TGM3: variants seen among roughly 807,000 people sequenced by gnomAD.
TGM3 encodes the protein transglutaminase 3, also known as protein-glutamine gamma-glutamyltransferase E.
A neutral mutation model predicts 73.8 loss-of-function variants in TGM3; 52 were observed. The observed-to-expected ratio is 0.70, with a 90% CI of 0.56 to 0.89. The LOEUF (loss-of-function observed/expected upper bound fraction) is 0.89. TGM3 is among the 40% of genes least tolerant of loss of function. TGM3 has a pLI of 0.00. For synonymous variants in TGM3, 372 were observed against 354.9 expected (o/e 1.05, Z -0.54); for missense variants, 928 against 909.9 (o/e 1.02, Z -0.26).
At chr20:2,317,311 C>G in intron 6 of TGM3, 39 bp from the exon 7 acceptor site, 1 of 1,614,072 alleles carries the variant, frequency 6.2e-7, no homozygotes, top group Non-Finnish European at 8.5e-7. Context: ...AAGGTACCAT[C>G]TCCACCACCT....
intron 4 of TGM3, among the ~76,000 whole-genome samples, chr20:2,312,393 T>A (rs1415010928): frequency 8.6e-5 from 5 of 58,008 alleles, no homozygotes; most frequent in Non-Finnish European, 1.5e-4. Flanking sequence ...CAAGACTCCG[T>A]CTCAAAAAAA....
chr20:2,329,724 C>T lies in TGM3; in HGVS notation c.1333+1359C>T, dbSNP rs115652278. On this transcript the variant is annotated intron_variant, in intron 9 of 12. Transcript: ENST00000381458. ...TTGTGTGACCTCGAGCAAGTTTCCT[C>T]TGATCTCTGAGCCCTCGCTTCCTCA... 4.7e-3 allele frequency among the ~76,000 whole-genome samples: 711 copies of T among 152,312 alleles called. 5 individuals are homozygous for T. The highest frequency in any genetic ancestry group is 0.016 in the African/African-American group (679 of 41,562).
At chr20:2,327,745 C>T (rs1015114403) in intron 8 of TGM3, among the ~76,000 whole-genome samples, 1 of 152,096 alleles carries the variant, frequency 6.6e-6, no homozygotes, top group Non-Finnish European at 1.5e-5. Flanking sequence ...GGGAAGTCTT[C>T]CTGGACTAGG....
At position 2,301,060 on chromosome 20, in the gene TGM3, T is replaced by C. The variant is rs539222625; in HGVS notation, c.7+4990T>C. Among the ~76,000 whole-genome samples, 420 of 152,184 alleles carry C rather than the reference T, an allele frequency of 2.8e-3. 1 individual carries two copies. The highest frequency in any genetic ancestry group is 4.7e-3 in the Non-Finnish European group (320 of 68,006). ...CAGGCACCAATCTGGGGCTCATTTC[T>C]CTTCATCCTCACCAGCCCCTTACTC... On this transcript the variant is annotated intron_variant, in intron 1 of 12. Coordinates refer to ENST00000381458, the MANE Select transcript of TGM3 (RefSeq NM_003245.4).
intron 11 of TGM3, among the ~76,000 whole-genome samples, chr20:2,336,827 C>G (rs1190032636): frequency 1.3e-5 from 2 of 151,876 alleles, no homozygotes; most frequent in Admixed American, 1.3e-4. Context: ...TGAGCAGGTC[C>G]CTTAATCTGA....
Position 2,312,963 on chromosome 20 carries a change from C to A in TGM3, c.606C>A (p.Asp202Glu). The A allele has an allele frequency of 6.2e-7, 1 of 1,614,186 alleles. No homozygotes were observed. The stretch of plus-strand genomic sequence containing the variant: ...ATAGGAGTCTGAATTTCCGCCGTGA[C>A]GCTGCTACTGATGTGGCCAGCAGAA... Reference protein sequence around the residue: ...ILDRSLNFRRDAATDVASRND... With the variant: ...ILDRSLNFRREAATDVASRND... Residue 202 changes from aspartate to glutamate, a missense_variant, in exon 5 of 13, where the codon GAC becomes GAA. Transcript: ENST00000381458.
chr20:2,296,501 G>A (rs2084108477), intron 1 of TGM3, among the ~76,000 whole-genome samples: 1 of 152,106 alleles, frequency 6.6e-6, no homozygotes, highest in African/African-American at 2.4e-5. Flanking sequence ...AGAACTACCA[G>A]GGAGTGAGAG....
intron 10 of TGM3, among the ~76,000 whole-genome samples, chr20:2,333,514 G>A (rs528007442): frequency 6.6e-6 from 1 of 152,190 alleles, no homozygotes; most frequent in East Asian, 1.9e-4. Flanking sequence ...CCAAGTAGCT[G>A]TAGTCCCAAG....
intron 11 of TGM3, among the ~76,000 whole-genome samples, chr20:2,339,031 T>C (rs1452782124): frequency 1.3e-5 from 2 of 152,266 alleles, no homozygotes; most frequent in Non-Finnish European, 2.9e-5. Context: ...TTCTGATCAC[T>C]GAGCAAGGAC....
chr20:2,317,939 A>G (rs373132198), intron 7 of TGM3, among the ~76,000 whole-genome samples: 1 of 129,388 alleles, frequency 7.7e-6, no homozygotes. Context: ...ATATATATAT[A>G]TATCATATAT....
At chr20:2,313,554 A>G (rs375710560) in intron 5 of TGM3, among the ~76,000 whole-genome samples, 83 of 152,322 alleles carry the variant, frequency 5.4e-4, no homozygotes, top group African/African-American at 1.9e-3. Flanking sequence ...TGCTCAAGGC[A>G]CACGGCATGC....
intron 9 of TGM3, among the ~76,000 whole-genome samples, chr20:2,329,638 TA>T (rs1182289765): frequency 6.6e-6 from 1 of 152,012 alleles, no homozygotes; most frequent in African/African-American, 2.4e-5. Context: ...GAAACAAGCA[TA>T]GGGGGTCAGG....
At position 2,320,759 on chromosome 20, in the gene TGM3, A is replaced by G. The variant is rs539621283; in HGVS notation, c.983+3274A>G. Among the ~76,000 whole-genome samples the G allele has an allele frequency of 1.7e-4, 26 of 152,290 alleles. No individual in the cohort carries two copies. The South Asian group carries it at 5.4e-3, about 32-fold the overall frequency. ...CTTTGAGATGTCCTCCTTCGGGTCC[A>G]CTGCAAAGGAAGTCTCTGGAGCCTA... On this transcript the variant is annotated intron_variant, in intron 7 of 12. Coordinates refer to ENST00000381458, the MANE Select transcript of TGM3 (RefSeq NM_003245.4).
rs45579939 is a variant in TGM3 at position 2,310,072 on chromosome 20, C to T, written c.182-106C>T. 111 of 1,508,784 alleles carry T rather than the reference C, an allele frequency of 7.4e-5. No homozygotes were observed. In the African/African-American group the frequency reaches 1.0e-3, roughly 14 times the overall value. 93.5% of individuals were successfully genotyped at this position (1,508,784 alleles called of 1,614,324 possible). On this transcript the variant is annotated intron_variant, in intron 2 of 12. Coordinates refer to ENST00000381458, the MANE Select transcript of TGM3 (RefSeq NM_003245.4). Reference sequence around the variant, plus strand: ...AGTTACTTCCAGTGGTAGAATATGGCGCTTCATTGGCTCATGTCCCCCAGA... The same window carrying T: ...AGTTACTTCCAGTGGTAGAATATGGTGCTTCATTGGCTCATGTCCCCCAGA...
At chr20:2,325,748 C>A in intron 7 of TGM3, 101 bp from the exon 8 acceptor site, 2 of 821,142 alleles carry the variant, frequency 2.4e-6, no homozygotes, top group Non-Finnish European at 2.1e-6. Flanking sequence ...TCACTCGATG[C>A]ATGTTGTCAT....
rs45595934 is a variant in TGM3 at position 2,309,307 on chromosome 20, C to T, written c.8-350C>T. ...ATGGAGCTCCACTGAACATTTGGCC[C>T]GTTCCTTAAGGGCCGAGTGACAGCT... On this transcript the variant is annotated intron_variant, in intron 1 of 12. Coordinates refer to ENST00000381458, the MANE Select transcript of TGM3 (RefSeq NM_003245.4). Among the ~76,000 whole-genome samples the T allele has an allele frequency of 3.2e-3, 481 of 152,246 alleles. 2 individuals are homozygous for T. The highest frequency in any genetic ancestry group is 0.011 in the African/African-American group (459 of 41,550).
At chr20:2,340,033 C>CG (rs368081322) in intron 12 of TGM3, 46 bp downstream of exon 12, 155 of 198,248 alleles carry the variant, frequency 7.8e-4, no homozygotes, top group African/African-American at 3.0e-3. Flanking sequence ...CGGGAGGGGG[C>CG]GGGGGGGCCC....
intron 7 of TGM3, 76 bp downstream of exon 7, chr20:2,317,561 C>T: frequency 6.3e-7 from 1 of 1,589,812 alleles, no homozygotes; most frequent in Non-Finnish European, 8.6e-7. Flanking sequence ...CCTTCTGGGA[C>T]CCAGGTCCAA....
intron 1 of TGM3, among the ~76,000 whole-genome samples, chr20:2,305,965 T>A (rs906751477): frequency 6.6e-6 from 1 of 152,192 alleles, no homozygotes; most frequent in Non-Finnish European, 1.5e-5. Context: ...TCACCCCAGG[T>A]CTGACCTAGT....
Sources: gnomAD v4.1 joint callset for allele counts (sites outside exome capture counted in the v4.1 genomes callset) on GRCh38, gnomAD v4.1.1 for gene constraint, MANE v1.5 for transcripts, NCBI Gene and HGNC (gene_info 2026-07-23, HGNC 2026-07-21) for gene names.